The following ANKS1B variants were observed in gnomAD, a reference collection of about 807,000 sequenced individuals.
The protein encoded by ANKS1B is ankyrin repeat and sterile alpha motif domain containing 1B.
In ANKS1B, 36 loss-of-function variants were observed where a neutral mutation model predicts 148.3. That is an observed-to-expected ratio of 0.24 (90% confidence interval 0.19 to 0.32). The LOEUF (loss-of-function observed/expected upper bound fraction) is 0.32, where lower values mean the gene tolerates loss of function less well. ANKS1B is among the 10% of genes least tolerant of loss of function. The pLI, the probability that ANKS1B is intolerant of heterozygous loss-of-function variation, is 1.00. For synonymous variants in ANKS1B, 542 were observed against 560.8 expected (o/e 0.97, Z 0.47); for missense variants, 1,157 against 1,542.6 (o/e 0.75, Z 4.19).
chr12:99,712,291 T>TA (rs765246033), intron 8 of ANKS1B, among the ~76,000 whole-genome samples: 1 of 152,300 alleles, frequency 6.6e-6, no homozygotes, highest in South Asian at 2.1e-4. Context: ...ATAGGCTGAA[T>TA]AATAGCCCTT....
At chr12:98,770,566 C>T (rs2098552409) in intron 25 of ANKS1B, among the ~76,000 whole-genome samples, 1 of 152,086 alleles carries the variant, frequency 6.6e-6, no homozygotes, top group Admixed American at 6.6e-5. Context: ...ACTGTTACCA[C>T]AGACTACTTT....
At chr12:99,921,482 C>T (rs2094350595) in intron 1 of ANKS1B, among the ~76,000 whole-genome samples, 1 of 152,094 alleles carries the variant, frequency 6.6e-6, no homozygotes, top group Non-Finnish European at 1.5e-5. Context: ...ATATACCAGG[C>T]AACTCCACAG....
intron 8 of ANKS1B, among the ~76,000 whole-genome samples, chr12:99,728,560 A>G (rs182951232): frequency 1.3e-5 from 2 of 152,358 alleles, no homozygotes; most frequent in Admixed American, 6.5e-5. Context: ...TGTGGACGAC[A>G]GTATGGCAAT....
At chr12:99,438,405 C>T (rs2095495813) in intron 11 of ANKS1B, among the ~76,000 whole-genome samples, 1 of 151,800 alleles carries the variant, frequency 6.6e-6, no homozygotes, top group Admixed American at 6.6e-5. Flanking sequence ...AACCCCATAC[C>T]AATATTTCCA....
rs377278475 is a variant in ANKS1B at position 99,265,665 on chromosome 12, G to A, written c.1757-18801C>T. On this transcript the variant is annotated intron_variant, in intron 12 of 26. Coordinates refer to ENST00000683438, the MANE Select transcript of ANKS1B (RefSeq NM_001352186.2). The stretch of plus-strand genomic sequence containing the variant: ...AACTGGGGCAGTGTCCTCATTCTTC[G>A]CTTCTCACAGTTGTCCTCATTAAGA... Among the ~76,000 whole-genome samples, 19 of 152,192 alleles carry A rather than the reference G, an allele frequency of 1.2e-4. No homozygotes were observed. The East Asian group carries it at 1.5e-3, about 12-fold the overall frequency.
intron 12 of ANKS1B, among the ~76,000 whole-genome samples, chr12:99,387,818 G>T (rs1272639221): frequency 7.3e-6 from 1 of 136,822 alleles, no homozygotes; most frequent in Non-Finnish European, 1.6e-5. Flanking sequence ...TGTTATAACA[G>T]CCCGAATGAA....
intron 17 of ANKS1B, among the ~76,000 whole-genome samples, chr12:98,840,068 C>A: frequency 6.6e-6 from 1 of 152,126 alleles, no homozygotes; most frequent in East Asian, 1.9e-4. Context: ...AACTCAAACC[C>A]CTGTCAAGGT....
chr12:99,621,997 G>A (rs972858623), intron 9 of ANKS1B, among the ~76,000 whole-genome samples: 6 of 151,972 alleles, frequency 3.9e-5, no homozygotes, highest in Non-Finnish European at 8.8e-5. Context: ...TCAACCACAT[G>A]CTTGACCAGA....
chr12:99,112,384 A>G lies in ANKS1B; in HGVS notation c.2527-27361T>C, dbSNP rs1349747078. ...ATTTGGGTGATGCTTCATACATTTT[A>G]TATCTCCCATTACACCTTCCTTTCC... On this transcript the variant is annotated intron_variant, in intron 15 of 26. Transcript: ENST00000683438. 2.6e-5 allele frequency among the ~76,000 whole-genome samples: 4 copies of G among 152,058 alleles called. No individual in the cohort carries two copies. In the East Asian group the frequency reaches 7.7e-4, roughly 29 times the overall value.
intron 1 of ANKS1B, among the ~76,000 whole-genome samples, chr12:99,950,537 G>A (rs925622149): frequency 2.0e-5 from 3 of 152,050 alleles, no homozygotes; most frequent in African/African-American, 7.2e-5. Context: ...ATAATGTAAT[G>A]TAATTATGTT....
At chr12:99,828,006 C>T (rs2083425878) in intron 1 of ANKS1B, among the ~76,000 whole-genome samples, 1 of 152,076 alleles carries the variant, frequency 6.6e-6, no homozygotes, top group African/African-American at 2.4e-5. Context: ...TTAATAACAG[C>T]TCTATAGGTA....
At chr12:98,767,666 A>G (rs2098503261) in intron 25 of ANKS1B, among the ~76,000 whole-genome samples, 1 of 152,256 alleles carries the variant, frequency 6.6e-6, no homozygotes, top group Non-Finnish European at 1.5e-5. Context: ...AACATTTAAA[A>G]CTATTGAATG....
chr12:99,700,281 T>A (rs2054595185), intron 8 of ANKS1B, among the ~76,000 whole-genome samples: 1 of 152,142 alleles, frequency 6.6e-6, no homozygotes, highest in Non-Finnish European at 1.5e-5. Flanking sequence ...ATATTTCTGG[T>A]ATTTATTTGC....
chr12:99,420,875 T>C (rs1365191710), intron 11 of ANKS1B, among the ~76,000 whole-genome samples: 1 of 152,202 alleles, frequency 6.6e-6, no homozygotes, highest in East Asian at 1.9e-4. Flanking sequence ...ATTGGTATCC[T>C]CAATTAAAAA....
intron 12 of ANKS1B, among the ~76,000 whole-genome samples, chr12:99,305,476 A>G (rs564693888): frequency 6.6e-6 from 1 of 152,262 alleles, no homozygotes; most frequent in African/African-American, 2.4e-5. Context: ...CTGTCTAGCA[A>G]TAGGATAGAG....
rs558982472 is a variant in ANKS1B at position 99,677,643 on chromosome 12, T to C, written c.1129-22433A>G. Among the ~76,000 whole-genome samples the C allele has an allele frequency of 3.9e-5, 6 of 152,324 alleles. No individual in the cohort carries two copies. In the South Asian group the frequency reaches 1.2e-3, roughly 32 times the overall value. ...TCAAATCTCCAGCTGCTTATGTAAT[T>C]CTGAATAAATTCTCCATTTTTTAAG... On this transcript the variant is annotated intron_variant, in intron 8 of 26. Coordinates refer to ENST00000683438, the MANE Select transcript of ANKS1B (RefSeq NM_001352186.2).
intron 4 of ANKS1B, among the ~76,000 whole-genome samples, chr12:99,796,647 GT>G (rs1253384474): frequency 6.6e-6 from 1 of 151,722 alleles, no homozygotes; most frequent in Non-Finnish European, 1.5e-5. Flanking sequence ...ACCTAATATG[GT>G]TATTGGGAAG....
chr12:99,603,343 G>C (rs190673255), intron 9 of ANKS1B, among the ~76,000 whole-genome samples: 1 of 152,172 alleles, frequency 6.6e-6, no homozygotes. Flanking sequence ...ATTCCTCTCT[G>C]CTCAAGGGGT....
chr12:99,806,693 T>G lies in ANKS1B; in HGVS notation c.380A>C (p.Glu127Ala), dbSNP rs754768560. 31 of 1,608,258 alleles carry G rather than the reference T, an allele frequency of 1.9e-5. No individual in the cohort carries two copies. Among genetic ancestry groups the G allele is most frequent in the Non-Finnish European group, 2.3e-5 (27 of 1,175,170 alleles). The change falls in exon 4 of 27, where the codon GAA becomes GCA. Residue 127 changes from glutamate to alanine, a missense_variant. Transcript: ENST00000683438. The stretch of plus-strand genomic sequence containing the variant: ...TGCACAGTGTAGGGCAGTTTCATTT[T>G]CATTGTTCTAAGACAAAGATTTTTA... ...SHSRVNEQNN[E>A]NETALHCAAQ...
Sources: gnomAD v4.1 joint callset for allele counts (sites outside exome capture counted in the v4.1 genomes callset) on GRCh38, gnomAD v4.1.1 for gene constraint, MANE v1.5 for transcripts, NCBI Gene and HGNC (gene_info 2026-07-23, HGNC 2026-07-21) for gene names.